Variants in ST3GAL1 observed in about 807,000 individuals in gnomAD.
The protein encoded by ST3GAL1 is ST3 beta-galactoside alpha-2,3-sialyltransferase 1.
A neutral mutation model predicts 34.1 loss-of-function variants in ST3GAL1; 16 were observed. The observed-to-expected ratio is 0.47, with a 90% CI of 0.32 to 0.71. The LOEUF (loss-of-function observed/expected upper bound fraction) is 0.71, where lower values mean the gene tolerates loss of function less well. Ranked by LOEUF, ST3GAL1 falls within the 30% of genes least tolerant of loss-of-function variation. The pLI, the probability that ST3GAL1 is intolerant of heterozygous loss-of-function variation, is 0.04. For missense variants in ST3GAL1, 353 were observed against 447.4 expected, an observed-to-expected ratio of 0.79 and a Z score of 1.90; for synonymous variants, 191 against 184.7, an observed-to-expected ratio of 1.03 and a Z score of -0.28.
chr8:133,526,503 T>C (rs1817978252), intron 2 of ST3GAL1, among the ~76,000 whole-genome samples: 1 of 152,138 alleles, frequency 6.6e-6, no homozygotes, highest in South Asian at 2.1e-4. Context: ...GATGTCTGTC[T>C]CCATAGAAAA....
chr8:133,488,389 G>T, intron 3 of ST3GAL1: 1 of 152,346 alleles, frequency 6.6e-6, no homozygotes. Context: ...ATGAATGCAG[G>T]TGGGCCTCAT....
chr8:133,540,781 AT>A (rs1818452235), intron 2 of ST3GAL1, among the ~76,000 whole-genome samples: 1 of 18,328 alleles, frequency 5.5e-5, no homozygotes. Context: ...ATATAGAGAC[AT>A]ATATATATAT....
chr8:133,533,466 G>A (rs1313789435), intron 2 of ST3GAL1, among the ~76,000 whole-genome samples: 1 of 152,182 alleles, frequency 6.6e-6, no homozygotes, highest in Non-Finnish European at 1.5e-5. Context: ...CAAGAAATGA[G>A]AGCCATGAGA....
chr8:133,527,344 G>A (rs578154893), intron 2 of ST3GAL1, among the ~76,000 whole-genome samples: 2 of 152,276 alleles, frequency 1.3e-5, no homozygotes, highest in East Asian at 1.9e-4. Flanking sequence ...TTAGTTCTCT[G>A]TGCAACAGTG....
chr8:133,468,033 C>G (rs1468825948), intron 5 of ST3GAL1, among the ~76,000 whole-genome samples: 2 of 152,042 alleles, frequency 1.3e-5, no homozygotes, highest in Admixed American at 1.3e-4. Context: ...GGATGTAAAA[C>G]CGTGCAGCCG....
chr8:133,527,653 A>C (rs1818016672), intron 2 of ST3GAL1, among the ~76,000 whole-genome samples: 3 of 152,204 alleles, frequency 2.0e-5, no homozygotes, highest in Non-Finnish European at 4.4e-5. Flanking sequence ...CCAAAATAGC[A>C]TTTGGCTCAT....
intron 2 of ST3GAL1, among the ~76,000 whole-genome samples, chr8:133,521,708 GT>G (rs1188230018): frequency 6.6e-6 from 1 of 152,180 alleles, no homozygotes; most frequent in African/African-American, 2.4e-5. Flanking sequence ...CAGGACAGAA[GT>G]TTTCAATCAT....
At chr8:133,551,547 A>AAAGG in intron 1 of ST3GAL1, among the ~76,000 whole-genome samples, 1 of 36,392 alleles carries the variant, frequency 2.7e-5, no homozygotes, top group East Asian at 1.1e-3. Context: ...AGAAGGAAAG[A>AAAGG]AAGAAAGAAA....
Position 133,556,431 on chromosome 8 carries a change from G to C in ST3GAL1, c.-581-10505C>G, listed in dbSNP as rs1303999420. ...ATGGACTGAATTTGCTTTCAGAGGA[G>C]TGAGATGCTGGCAGGCTGTACAGCT... On this transcript the variant is annotated intron_variant, in intron 1 of 9. Coordinates refer to ENST00000522652, the MANE Select transcript of ST3GAL1 (RefSeq NM_173344.3). This position sits in a 1 kb window ranked among gnomAD's most constrained non-coding sequence, Gnocchi z 8.9. Among the ~76,000 whole-genome samples, 1 of 152,216 alleles carries C rather than the reference G, an allele frequency of 6.6e-6. No homozygotes were observed. Among genetic ancestry groups the C allele is most frequent in the African/African-American group, 2.4e-5 (1 of 41,452 alleles).
intron 1 of ST3GAL1, among the ~76,000 whole-genome samples, chr8:133,561,505 T>C (rs1247190612): frequency 6.6e-6 from 1 of 152,140 alleles, no homozygotes; most frequent in African/African-American, 2.4e-5. Context: ...TGGTTCCGGT[T>C]CACTCCTATT....
intron 1 of ST3GAL1, among the ~76,000 whole-genome samples, chr8:133,557,628 T>A (rs1197824763): frequency 6.6e-6 from 1 of 152,150 alleles, no homozygotes; most frequent in African/African-American, 2.4e-5. Flanking sequence ...GGCAGGCAGA[T>A]CATGAGGTCA....
chr8:133,497,146 C>G (rs1247609901), intron 3 of ST3GAL1, among the ~76,000 whole-genome samples: 1 of 152,226 alleles, frequency 6.6e-6, no homozygotes, highest in Non-Finnish European at 1.5e-5. Flanking sequence ...GCCTGCTGCA[C>G]CTCCCTCCCT....
intron 2 of ST3GAL1, among the ~76,000 whole-genome samples, chr8:133,534,581 G>A (rs1818252592): frequency 6.6e-6 from 1 of 152,192 alleles, no homozygotes; most frequent in Non-Finnish European, 1.5e-5. Flanking sequence ...TGGCCTGCAT[G>A]GAACGCAGAT....
At position 133,487,584 on chromosome 8, in the gene ST3GAL1, G is replaced by A. The variant is rs950878018; in HGVS notation, c.-373-10984C>T. Among the ~76,000 whole-genome samples, 6 of 152,310 alleles carry A rather than the reference G, an allele frequency of 3.9e-5. No individual in the cohort carries two copies. The East Asian group carries it at 7.7e-4, about 20-fold the overall frequency. On this transcript the variant is annotated intron_variant, in intron 3 of 9. Transcript: ENST00000522652. The stretch of plus-strand genomic sequence containing the variant: ...CTGCCAAGCCCCTTTGTGGATTCTC[G>A]CTCTTGCTTTCATTCTTTCATTTGA...
chr8:133,471,972 G>A (rs536046421), intron 5 of ST3GAL1, among the ~76,000 whole-genome samples: 30 of 152,054 alleles, frequency 2.0e-4, no homozygotes, highest in African/African-American at 7.0e-4. Flanking sequence ...GGGGCAAGTA[G>A]AGAAGGCAGA....
chr8:133,487,395 TC>T (rs1816648430), intron 3 of ST3GAL1, among the ~76,000 whole-genome samples: 2 of 152,260 alleles, frequency 1.3e-5, no homozygotes, highest in South Asian at 4.1e-4. Context: ...CCCAGGATCA[TC>T]ATTCCTCTGA....
At position 133,517,792 on chromosome 8, in the gene ST3GAL1, T is replaced by C. The variant is rs184742373; in HGVS notation, c.-428-18603A>G. Among the ~76,000 whole-genome samples the C allele has an allele frequency of 2.5e-3, 375 of 152,348 alleles. 1 individual carries two copies. The highest frequency in any genetic ancestry group is 3.3e-3 in the Non-Finnish European group (225 of 68,034). ...TGAAAACAATTGCCCCACAGGCATG[T>C]TTTGTCTGCACTGTAGAGCACAACA... On this transcript the variant is annotated intron_variant, in intron 2 of 9. Coordinates refer to ENST00000522652, the MANE Select transcript of ST3GAL1 (RefSeq NM_173344.3).
chr8:133,507,418 C>T (rs1265080576), intron 2 of ST3GAL1, among the ~76,000 whole-genome samples: 1 of 152,258 alleles, frequency 6.6e-6, no homozygotes, highest in East Asian at 1.9e-4. Context: ...TAGGCTTTGG[C>T]CCAGGAGGGT....
chr8:133,544,866 T>C (rs1359073812), intron 2 of ST3GAL1, among the ~76,000 whole-genome samples: 8 of 152,056 alleles, frequency 5.3e-5, no homozygotes, highest in Non-Finnish European at 4.4e-5. Flanking sequence ...CCAATAATCA[T>C]ATAAAAAACA....
Sources: gnomAD v4.1 joint callset for allele counts (sites outside exome capture counted in the v4.1 genomes callset) on GRCh38, gnomAD v4.1.1 for gene constraint, Gnocchi (gnomAD v3.1) non-coding constraint, MANE v1.5 for transcripts, NCBI Gene and HGNC (gene_info 2026-07-23, HGNC 2026-07-21) for gene names.